Variants in PIAS1 observed in about 807,000 individuals in gnomAD.
PIAS1 encodes the protein E3 SUMO-protein ligase PIAS1.
In PIAS1, 6 loss-of-function variants were observed where a neutral mutation model predicts 71.3. The observed-to-expected ratio is 0.08, with a 90% confidence interval of 0.05 to 0.17. The LOEUF (loss-of-function observed/expected upper bound fraction) is 0.17. PIAS1 is among the 10% of genes least tolerant of loss of function. The pLI is 1.00. For missense variants in PIAS1, 555 were observed against 793.6 expected, an observed-to-expected ratio of 0.70 and a Z score of 3.61; for synonymous variants, 303 against 292.9, an observed-to-expected ratio of 1.03 and a Z score of -0.35.
chr15:68,076,174 A>T (rs1196083705), intron 1 of PIAS1, among the ~76,000 whole-genome samples: 1 of 151,992 alleles, frequency 6.6e-6, no homozygotes, highest in Non-Finnish European at 1.5e-5. Flanking sequence ...TGATAACCTT[A>T]ATTTTCTTGT....
chr15:68,148,172 A>C (rs868647123), intron 6 of PIAS1, among the ~76,000 whole-genome samples: 4 of 152,200 alleles, frequency 2.6e-5, no homozygotes, highest in Non-Finnish European at 2.9e-5. Context: ...GAGAGCAGTC[A>C]GGGAGGGCTT....
intron 13 of PIAS1, chr15:68,184,458 C>G (rs1011514548): frequency 6.6e-6 from 1 of 152,230 alleles, no homozygotes; most frequent in Non-Finnish European, 1.5e-5. Flanking sequence ...ATATCCCTCT[C>G]AGCACCATAA....
Position 68,164,862 on chromosome 15 carries a change from T to G in PIAS1, c.1008+58T>G. 1.1e-6 allele frequency: 1 copy of G among 895,494 alleles called. No individual in the cohort carries two copies. Among genetic ancestry groups the G allele is most frequent in the Non-Finnish European group, 1.8e-6 (1 of 568,460 alleles). The allele number at this position is 895,494 out of a possible 1,614,324, so 55.5% of individuals were successfully genotyped here. Reference sequence around the variant, plus strand: ...GTTTAACATACATTTTCTCTTTTTATTAAGTATTTTTACTATTTGAGAAAT... The same window carrying G: ...GTTTAACATACATTTTCTCTTTTTAGTAAGTATTTTTACTATTTGAGAAAT... On this transcript the variant is annotated intron_variant, in intron 8 of 13. Coordinates refer to ENST00000249636, the MANE Select transcript of PIAS1 (RefSeq NM_016166.3).
chr15:68,139,212 G>A (rs1357301710), intron 2 of PIAS1, among the ~76,000 whole-genome samples: 1 of 152,162 alleles, frequency 6.6e-6, no homozygotes, highest in African/African-American at 2.4e-5. Context: ...CCAGGTCTGT[G>A]TAATCTTGTC....
chr15:68,182,416 G>T, intron 12 of PIAS1, among the ~76,000 whole-genome samples: 1 of 138,588 alleles, frequency 7.2e-6, no homozygotes, highest in Non-Finnish European at 1.5e-5. Context: ...TTCCCGGGAA[G>T]TTACAGCTAG....
At chr15:68,099,676 G>T (rs1184254719) in intron 2 of PIAS1, among the ~76,000 whole-genome samples, 55 of 145,176 alleles carry the variant, frequency 3.8e-4, no homozygotes, top group East Asian at 3.4e-3. Context: ...GTTTTTGGGG[G>T]TTTTTTTTTT....
chr15:68,156,793 T>C (rs1043945389), intron 7 of PIAS1, among the ~76,000 whole-genome samples: 1 of 149,844 alleles, frequency 6.7e-6, no homozygotes, highest in Non-Finnish European at 1.5e-5. Context: ...TAAGTTGACA[T>C]AGACGATATG....
chr15:68,118,571 G>T (rs1021173454), intron 2 of PIAS1, among the ~76,000 whole-genome samples: 1 of 150,806 alleles, frequency 6.6e-6, no homozygotes, highest in Non-Finnish European at 1.5e-5. Context: ...CTAACTCCTC[G>T]CCTCAAGCGA....
chr15:68,123,035 C>G (rs192279862), intron 2 of PIAS1, among the ~76,000 whole-genome samples: 196 of 150,742 alleles, frequency 1.3e-3, no homozygotes, highest in Non-Finnish European at 2.4e-3. Flanking sequence ...GTTATACATA[C>G]AAAATTCTTT....
At chr15:68,153,838 A>G in intron 7 of PIAS1, 143 bp downstream of exon 7, 1 of 517,462 alleles carries the variant, frequency 1.9e-6, no homozygotes, top group Non-Finnish European at 3.4e-6. Flanking sequence ...TATCTTTGTC[A>G]TGAGCTATAT....
intron 2 of PIAS1, among the ~76,000 whole-genome samples, chr15:68,131,395 A>G (rs548730153): frequency 6.6e-6 from 1 of 152,212 alleles, no homozygotes; most frequent in South Asian, 2.1e-4. Context: ...TACATTTTTT[A>G]GGTGATGAGA....
rs972691842 is a variant in PIAS1, at chr15:68,186,578, C to T, written c.1663-964C>T. On this transcript the variant is annotated intron_variant, in intron 13 of 13. Transcript: ENST00000249636. The surrounding 1 kb of genome is among the most constrained non-coding windows in gnomAD (Gnocchi z 4.4). The stretch of plus-strand genomic sequence containing the variant: ...TAGTGTACAGTGTTTATAAAGTCTA[C>T]AGTAGTGTACAATAATGTCCTAAGC... 2.0e-5 allele frequency among the ~76,000 whole-genome samples: 3 copies of T among 152,216 alleles called. No individual in the cohort carries two copies. Among genetic ancestry groups the T allele is most frequent in the African/African-American group, 4.8e-5 (2 of 41,458 alleles).
chr15:68,057,725 C>A, intron 1 of PIAS1: 1 of 219,398 alleles, frequency 4.6e-6, no homozygotes, highest in Non-Finnish European at 9.2e-6. Context: ...TGATTTGAAT[C>A]TCTATAACTT....
chr15:68,188,745 A>G lies in PIAS1; in HGVS notation c.*910A>G, dbSNP rs953771520. 2 of 152,202 alleles carry G rather than the reference A, an allele frequency of 1.3e-5. No individual in the cohort carries two copies. The highest frequency in any genetic ancestry group is 1.5e-5 in the Non-Finnish European group (1 of 68,036). 9.4% of individuals were successfully genotyped at this position (152,202 alleles called of 1,614,324 possible). Reference sequence around the variant, plus strand: ...TAAATCTGGATTGCCAGTATTGTGTATTTAAACCAAGTCTGTGAATACCTG... The same window carrying G: ...TAAATCTGGATTGCCAGTATTGTGTGTTTAAACCAAGTCTGTGAATACCTG... On this transcript the variant is annotated 3_prime_UTR_variant, in exon 14 of 14. Transcript: ENST00000249636.
intron 11 of PIAS1, among the ~76,000 whole-genome samples, chr15:68,179,726 C>T (rs1317704813): frequency 6.6e-6 from 1 of 151,532 alleles, no homozygotes; most frequent in Non-Finnish European, 1.5e-5. Context: ...CAGGCATGCA[C>T]CACCATGCCT....
chr15:68,055,703 G>A lies in PIAS1; in HGVS notation c.24+1353G>A, dbSNP rs1466219746. 2.4e-5 allele frequency: 11 copies of A among 468,026 alleles called. No homozygotes were observed. In the East Asian group the frequency reaches 2.6e-4, roughly 11 times the overall value. The allele number at this position is 468,026 out of a possible 1,614,324, so 29.0% of individuals were successfully genotyped here. On this transcript the variant is annotated intron_variant, in intron 1 of 13. Transcript: ENST00000249636. ...ACATCTCTGTCAGAGAGGAGATGGG[G>A]ATATACAATTGTAAATCTTTGGGGA...
Position 68,054,614 on chromosome 15 carries a change from G to C in PIAS1, c.24+264G>C. Reference sequence around the variant, plus strand: ...CTCTGGCGGGGGTGGCGGGGGAAGAGATAGGGAGTCCGGAGGTAGGGGCTG... The same window carrying C: ...CTCTGGCGGGGGTGGCGGGGGAAGACATAGGGAGTCCGGAGGTAGGGGCTG... On this transcript the variant is annotated intron_variant, in intron 1 of 13. Coordinates refer to ENST00000249636, the MANE Select transcript of PIAS1 (RefSeq NM_016166.3). This position sits in a 1 kb window ranked among gnomAD's most constrained non-coding sequence, Gnocchi z 4.6. The C allele has an allele frequency of 2.5e-6, 1 of 407,278 alleles. No individual in the cohort carries two copies. Among genetic ancestry groups the C allele is most frequent in the Non-Finnish European group, 4.4e-6 (1 of 228,656 alleles). The allele number at this position is 407,278 out of a possible 1,614,324, so 25.2% of individuals were successfully genotyped here. A position where few individuals can be genotyped will look rare whatever the true frequency, so the allele number is the denominator to read the frequency against.
At chr15:68,067,424 T>A in intron 1 of PIAS1, among the ~76,000 whole-genome samples, 1 of 44,544 alleles carries the variant, frequency 2.2e-5, no homozygotes, top group Non-Finnish European at 4.3e-5. Flanking sequence ...TTGAAATTTC[T>A]AGTTGGTTAT....
chr15:68,169,579 A>G (rs563234345), intron 8 of PIAS1, among the ~76,000 whole-genome samples: 28 of 152,320 alleles, frequency 1.8e-4, no homozygotes, highest in African/African-American at 6.5e-4. Context: ...AGGCTGAGAC[A>G]GGAGAATTGC....
Sources: gnomAD v4.1 joint callset for allele counts (sites outside exome capture counted in the v4.1 genomes callset) on GRCh38, gnomAD v4.1.1 for gene constraint, Gnocchi (gnomAD v3.1) non-coding constraint, MANE v1.5 for transcripts, NCBI Gene and HGNC (gene_info 2026-07-23, HGNC 2026-07-21) for gene names.